Variants in RBFOX1 observed in about 807,000 individuals in gnomAD.
RBFOX1 encodes RNA binding protein fox-1 homolog 1.
In RBFOX1, 8 loss-of-function variants were observed where a neutral mutation model predicts 57.7. The ratio of observed to expected loss-of-function variants is 0.14; its 90% CI spans 0.08 to 0.25. RBFOX1 has a LOEUF of 0.25. Among genes scored for constraint, RBFOX1 ranks in the 10% least tolerant of loss-of-function variants. RBFOX1 has a pLI of 1.00. For missense variants in RBFOX1, 611 were observed against 548.5 expected, an observed-to-expected ratio of 1.11 and a Z score of -1.14; for synonymous variants, 326 against 222.4, an observed-to-expected ratio of 1.47 and a Z score of -4.15.
intron 2 of RBFOX1, among the ~76,000 whole-genome samples, chr16:6,644,437 T>G (rs1462713405): frequency 6.6e-6 from 1 of 152,182 alleles, no homozygotes; most frequent in African/African-American, 2.4e-5. Flanking sequence ...AAAACCTTCT[T>G]CCTCAGCAGT....
intron 3 of RBFOX1, among the ~76,000 whole-genome samples, chr16:7,028,752 C>T (rs150585442): frequency 5.4e-4 from 81 of 150,900 alleles, no homozygotes; most frequent in Middle Eastern, 7.0e-3. Context: ...GTAATAGGGA[C>T]GTGGAGGTTC....
intron 1 of RBFOX1, among the ~76,000 whole-genome samples, chr16:5,467,035 A>G (rs984723493): frequency 6.6e-6 from 1 of 152,176 alleles, no homozygotes; most frequent in African/African-American, 2.4e-5. Flanking sequence ...TTTGTTGTCA[A>G]AAACAGAGCC....
chr16:6,168,442 A>G (rs1167589682), intron 1 of RBFOX1, among the ~76,000 whole-genome samples: 1 of 152,088 alleles, frequency 6.6e-6, no homozygotes, highest in Non-Finnish European at 1.5e-5. Context: ...GCTCCCAAAG[A>G]TGTTGGTTAT....
chr16:7,067,407 C>A (rs1282429295), intron 4 of RBFOX1, among the ~76,000 whole-genome samples: 1 of 151,210 alleles, frequency 6.6e-6, no homozygotes, highest in Non-Finnish European at 1.5e-5. Flanking sequence ...TGAAATGTCG[C>A]CAAGGCTGTG....
chr16:6,335,942 G>C (rs1046411561), intron 2 of RBFOX1, among the ~76,000 whole-genome samples: 12 of 150,232 alleles, frequency 8.0e-5, no homozygotes, highest in African/African-American at 1.5e-4. Context: ...CCTCACAGTA[G>C]GCAGTGGGTG....
intron 1 of RBFOX1, among the ~76,000 whole-genome samples, chr16:5,459,722 C>T (rs1597153036): frequency 1.3e-5 from 2 of 152,148 alleles, no homozygotes; most frequent in African/African-American, 2.4e-5. Context: ...CACACATACA[C>T]ACATGCACGC....
chr16:7,592,931 T>G (rs1286728066), intron 7 of RBFOX1, among the ~76,000 whole-genome samples: 1 of 151,446 alleles, frequency 6.6e-6, no homozygotes, highest in Non-Finnish European at 1.5e-5. Flanking sequence ...TGCTCCCACC[T>G]CAGCCTCCCA....
chr16:7,700,298 T>TC (rs1441921386), intron 14 of RBFOX1, among the ~76,000 whole-genome samples: 1 of 152,090 alleles, frequency 6.6e-6, no homozygotes, highest in Admixed American at 6.6e-5. Flanking sequence ...ATCATAACCC[T>TC]CCTCTCACCC....
intron 3 of RBFOX1, among the ~76,000 whole-genome samples, chr16:6,876,131 C>A (rs559384318): frequency 6.6e-6 from 1 of 151,666 alleles, no homozygotes; most frequent in Non-Finnish European, 1.5e-5. Context: ...TGCAGTGAGC[C>A]ATGATTGCAC....
At chr16:6,983,028 C>T (rs1010391556) in intron 3 of RBFOX1, among the ~76,000 whole-genome samples, 6 of 143,530 alleles carry the variant, frequency 4.2e-5, no homozygotes, top group African/African-American at 1.5e-4. Flanking sequence ...GGAAAGGTGT[C>T]GAACTGAGGC....
intron 2 of RBFOX1, among the ~76,000 whole-genome samples, chr16:6,528,522 A>C (rs2096613204): frequency 6.6e-6 from 1 of 152,216 alleles, no homozygotes; most frequent in Non-Finnish European, 1.5e-5. Context: ...TGGGCAAAGG[A>C]GGTGTCCTTC....
At chr16:7,233,011 C>G (rs565114515) in intron 4 of RBFOX1, among the ~76,000 whole-genome samples, 19 of 152,256 alleles carry the variant, frequency 1.2e-4, no homozygotes, top group Admixed American at 7.2e-4. Flanking sequence ...CTTTCCTGGA[C>G]TGCTAAAATA....
chr16:5,908,123 C>T lies in RBFOX1; in HGVS notation c.351+40788C>T, dbSNP rs140116952. On this transcript the variant is annotated intron_variant, in intron 4 of 19. Coordinates refer to the RBFOX1 transcript ENST00000641259. ...ACATATATATATACACATATATACA[C>T]ATATATATATACACATATATACACA... 1.3e-4 allele frequency among the ~76,000 whole-genome samples: 17 copies of T among 128,534 alleles called. No individual in the cohort carries two copies. In the East Asian group the frequency reaches 3.3e-3, roughly 25 times the overall value. 84.3% of individuals were successfully genotyped at this position (128,534 alleles called of 152,430 possible). A position where few individuals can be genotyped will look rare whatever the true frequency, so the allele number is the denominator to read the frequency against.
intron 3 of RBFOX1, among the ~76,000 whole-genome samples, chr16:6,911,117 C>G (rs1338694188): frequency 6.6e-6 from 1 of 151,646 alleles, no homozygotes; most frequent in African/African-American, 2.4e-5. Flanking sequence ...AGGACAATCG[C>G]TGGAACCTGG....
chr16:6,114,552 G>T (rs1020453798), intron 1 of RBFOX1, among the ~76,000 whole-genome samples: 16 of 137,488 alleles, frequency 1.2e-4, no homozygotes, highest in African/African-American at 5.2e-4. Context: ...AGAATCAATG[G>T]CATAAAAGTT....
At chr16:5,454,854 T>TTTCTTTCTTTCTC (rs1555524090) in intron 1 of RBFOX1, among the ~76,000 whole-genome samples, 5 of 67,476 alleles carry the variant, frequency 7.4e-5, no homozygotes, top group Admixed American at 1.8e-4. Flanking sequence ...TCTTTCTTTC[T>TTTCTTTCTTTCTC]TTTCTTTCTT....
intron 3 of RBFOX1, among the ~76,000 whole-genome samples, chr16:5,747,154 G>C (rs1412335492): frequency 1.3e-5 from 2 of 152,152 alleles, no homozygotes; most frequent in Non-Finnish European, 2.9e-5. Flanking sequence ...TGTGGTTTTG[G>C]TGTTTGGTTC....
At chr16:7,131,896 G>T (rs578218051) in intron 4 of RBFOX1, among the ~76,000 whole-genome samples, 1 of 152,194 alleles carries the variant, frequency 6.6e-6, no homozygotes, top group African/African-American at 2.4e-5. Flanking sequence ...GGGGTGAGAG[G>T]CTTCCCAGTA....
At chr16:6,914,837 A>T (rs1386974903) in intron 3 of RBFOX1, among the ~76,000 whole-genome samples, 2 of 152,254 alleles carry the variant, frequency 1.3e-5, no homozygotes, top group Non-Finnish European at 1.5e-5. Flanking sequence ...GCACTGAGCC[A>T]AGATCGCAAC....
Sources: allele counts gnomAD v4.1 joint callset (sites outside exome capture counted in the v4.1 genomes callset), GRCh38; gene constraint gnomAD v4.1.1; transcripts MANE v1.5; gene names NCBI Gene and HGNC (gene_info 2026-07-23, HGNC 2026-07-21).